Variants in KPNA1 observed in about 807,000 individuals in gnomAD.
The protein encoded by KPNA1 is karyopherin subunit alpha 1.
In KPNA1, 10 loss-of-function variants were observed where a neutral mutation model predicts 70.5. That is an observed-to-expected ratio of 0.14 (90% confidence interval 0.09 to 0.24). The LOEUF is 0.24. Ranked by LOEUF, KPNA1 falls within the 10% of genes least tolerant of loss-of-function variation. The probability of loss-of-function intolerance (pLI) is 1.00; values close to 1 mark genes in which losing one functional copy is unlikely to be tolerated. For synonymous variants in KPNA1, 192 were observed against 221.9 expected (o/e 0.87, Z 1.20); for missense variants, 397 against 637.9 (o/e 0.62, Z 4.07).
intron 2 of KPNA1, among the ~76,000 whole-genome samples, chr3:122,484,262 G>A (rs2076603956): frequency 1.3e-5 from 2 of 152,096 alleles, no homozygotes; most frequent in South Asian, 4.1e-4. Flanking sequence ...GTTTAAAAAA[G>A]AATTACAATA....
chr3:122,490,286 C>A (rs111275007), intron 2 of KPNA1, among the ~76,000 whole-genome samples: 28 of 152,364 alleles, frequency 1.8e-4, no homozygotes, highest in African/African-American at 6.5e-4. Flanking sequence ...TCTGCCTTAG[C>A]GCCTCTTTCT....
At chr3:122,482,839 A>G (rs2076586643) in intron 2 of KPNA1, among the ~76,000 whole-genome samples, 1 of 152,232 alleles carries the variant, frequency 6.6e-6, no homozygotes, top group South Asian at 2.1e-4. Flanking sequence ...GAATGTAAAG[A>G]TGACCTAACC....
intron 2 of KPNA1, among the ~76,000 whole-genome samples, chr3:122,483,529 G>C (rs944950719): frequency 1.3e-5 from 2 of 152,098 alleles, no homozygotes; most frequent in African/African-American, 4.8e-5. Flanking sequence ...ATTTTTAGTA[G>C]AAACGGGGCT....
intron 2 of KPNA1, among the ~76,000 whole-genome samples, chr3:122,470,556 T>G (rs537002207): frequency 2.0e-5 from 3 of 150,972 alleles, no homozygotes; most frequent in Non-Finnish European, 4.4e-5. Context: ...AAATAAAAAT[T>G]TTTAAAAAAA....
chr3:122,499,803 T>A (rs1428711308), intron 1 of KPNA1, among the ~76,000 whole-genome samples: 1 of 152,014 alleles, frequency 6.6e-6, no homozygotes, highest in African/African-American at 2.4e-5. Flanking sequence ...TTTCTTGTGA[T>A]GTCTTTGTCT....
intron 2 of KPNA1, among the ~76,000 whole-genome samples, chr3:122,473,143 A>G (rs1205731177): frequency 6.6e-6 from 1 of 152,188 alleles, no homozygotes; most frequent in Non-Finnish European, 1.5e-5. Context: ...GATCACCTAG[A>G]TAAAATGAAC....
intron 5 of KPNA1, among the ~76,000 whole-genome samples, chr3:122,455,416 TAC>T (rs1220442391): frequency 9.8e-5 from 15 of 152,306 alleles, no homozygotes; most frequent in Middle Eastern, 3.4e-3. Flanking sequence ...TCTGGGGACT[TAC>T]AGATTAAACC....
In KPNA1 at chr3:122,426,902, G is replaced by T; in HGVS notation, c.*83C>A. The T allele has an allele frequency of 9.3e-7, 1 of 1,075,460 alleles. No homozygotes were observed. The highest frequency in any genetic ancestry group is 1.4e-6 in the Non-Finnish European group (1 of 727,482). 66.6% of individuals were successfully genotyped at this position (1,075,460 alleles called of 1,614,324 possible). On this transcript the variant is annotated 3_prime_UTR_variant, in exon 14 of 14. Coordinates refer to ENST00000344337, the MANE Select transcript of KPNA1 (RefSeq NM_002264.4). ...ATTATGGAAAACATTTGAGAAGTTA[G>T]CTCCATGAGGACTGTGGGCTCCACA...
At chr3:122,480,149 T>C (rs1175881256) in intron 2 of KPNA1, among the ~76,000 whole-genome samples, 1 of 152,046 alleles carries the variant, frequency 6.6e-6, no homozygotes, top group Non-Finnish European at 1.5e-5. Context: ...TTAGTAGTTG[T>C]TGTAGGAGGT....
intron 10 of KPNA1, among the ~76,000 whole-genome samples, chr3:122,438,601 G>A (rs2076021109): frequency 1.3e-5 from 2 of 151,892 alleles, no homozygotes; most frequent in South Asian, 4.2e-4. Flanking sequence ...GGTCAGGCTG[G>A]TCTTGAACTC....
At chr3:122,449,508 T>A in intron 9 of KPNA1, 66 bp downstream of exon 9, 1 of 1,232,776 alleles carries the variant, frequency 8.1e-7, no homozygotes, top group Non-Finnish European at 1.2e-6. Flanking sequence ...AATATTTAAG[T>A]ATTAGCAGCT....
At chr3:122,441,704 G>A (rs917784031) in intron 10 of KPNA1, among the ~76,000 whole-genome samples, 4 of 152,000 alleles carry the variant, frequency 2.6e-5, no homozygotes, top group African/African-American at 4.8e-5. Flanking sequence ...GGGTTCAAGC[G>A]ATTCTTCTAC....
chr3:122,474,292 T>C (rs1267982406), intron 2 of KPNA1, among the ~76,000 whole-genome samples: 1 of 152,164 alleles, frequency 6.6e-6, no homozygotes, highest in African/African-American at 2.4e-5. Flanking sequence ...ACCTATAGAT[T>C]CAATGCAATT....
At chr3:122,490,140 T>C (rs1242501380) in intron 2 of KPNA1, among the ~76,000 whole-genome samples, 1 of 152,284 alleles carries the variant, frequency 6.6e-6, no homozygotes, top group Non-Finnish European at 1.5e-5. Context: ...GCTGAATATC[T>C]GAGGAAAGCC....
intron 4 of KPNA1, among the ~76,000 whole-genome samples, chr3:122,463,147 C>T (rs184601513): frequency 2.6e-5 from 4 of 152,024 alleles, no homozygotes; most frequent in African/African-American, 4.8e-5. Flanking sequence ...GTCAGGAGAT[C>T]GAGATCCTGG....
At chr3:122,434,450 T>G (rs1236987362) in intron 11 of KPNA1, among the ~76,000 whole-genome samples, 3 of 152,124 alleles carry the variant, frequency 2.0e-5, no homozygotes, top group Non-Finnish European at 4.4e-5. Context: ...AACTCTCTAG[T>G]CCTCACTTCT....
At chr3:122,462,466 A>ATACCC (rs2076335059) in intron 4 of KPNA1, among the ~76,000 whole-genome samples, 2 of 152,282 alleles carry the variant, frequency 1.3e-5, no homozygotes, top group African/African-American at 4.8e-5. Flanking sequence ...ACCTCTCACC[A>ATACCC]TACCCTACAT....
At chr3:122,486,756 T>C (rs934238548) in intron 2 of KPNA1, among the ~76,000 whole-genome samples, 6 of 152,110 alleles carry the variant, frequency 3.9e-5, no homozygotes, top group Non-Finnish European at 8.8e-5. Flanking sequence ...CCGGCTAATT[T>C]TTTATATTTT....
chr3:122,430,350 T>C (rs2075884541), intron 12 of KPNA1, among the ~76,000 whole-genome samples: 1 of 152,178 alleles, frequency 6.6e-6, no homozygotes, highest in African/African-American at 2.4e-5. Context: ...ATTTTGAAGG[T>C]TGGGGATGTT....
Sources: gnomAD v4.1 joint callset for allele counts (sites outside exome capture counted in the v4.1 genomes callset) on GRCh38, gnomAD v4.1.1 for gene constraint, MANE v1.5 for transcripts, NCBI Gene and HGNC (gene_info 2026-07-23, HGNC 2026-07-21) for gene names.